SEPSECS: variants seen among roughly 807,000 people sequenced by gnomAD.
The protein encoded by SEPSECS is O-phosphoseryl-tRNA(Sec) selenium transferase.
Under a neutral mutation model 52.1 loss-of-function variants are expected in SEPSECS, and 42 were observed. The observed-to-expected ratio is 0.81, with a 90% CI of 0.63 to 1.04. The LOEUF (loss-of-function observed/expected upper bound fraction) is 1.04, where lower values mean the gene tolerates loss of function less well. SEPSECS is among the 50% of genes least tolerant of loss of function. SEPSECS has a pLI of 0.00. For synonymous variants in SEPSECS, 216 were observed against 211.4 expected, an observed-to-expected ratio of 1.02 and a Z score of -0.19; for missense variants, 590 against 610.6, an observed-to-expected ratio of 0.97 and a Z score of 0.36.
chr4:25,153,666 G>A (rs1489075163), intron 5 of SEPSECS, among the ~76,000 whole-genome samples: 1 of 151,830 alleles, frequency 6.6e-6, no homozygotes, highest in Non-Finnish European at 1.5e-5. Context: ...TAAAAGGAAT[G>A]AAGCCAATGT....
chr4:25,131,600 A>G (rs1374508138), intron 8 of SEPSECS, among the ~76,000 whole-genome samples: 1 of 152,202 alleles, frequency 6.6e-6, no homozygotes, highest in African/African-American at 2.4e-5. Context: ...CCCCATATGT[A>G]GGCTTGAAAT....
intron 8 of SEPSECS, among the ~76,000 whole-genome samples, chr4:25,140,818 A>T (rs748441013): frequency 3.3e-5 from 5 of 152,092 alleles, no homozygotes; most frequent in Non-Finnish European, 7.4e-5. Flanking sequence ...CAGTGCCATC[A>T]GCTATGCTAA....
At position 25,155,033 on chromosome 4, in the gene SEPSECS, A is replaced by G. The variant is rs746894717; in HGVS notation, c.666T>C (p.Ser222=). 107 of 1,614,084 alleles carry G rather than the reference A, an allele frequency of 6.6e-5. No individual in the cohort carries two copies. Among genetic ancestry groups the G allele is most frequent in the Non-Finnish European group, 8.8e-5 (104 of 1,180,026 alleles). Reference sequence around the variant, plus strand: ...CCCTTGGAGCAAAACAGGATGTAGTAGAATGAATACACAGAATGCAATCAG... The same window carrying G: ...CCCTTGGAGCAAAACAGGATGTAGTGGAATGAATACACAGAATGCAATCAG... The part of the protein sequence containing the change: ...LGPDCILCIH[S]TTSCFAPRVP... Residue 222 remains serine (S), a synonymous_variant, in exon 5 of 11, where the codon TCT becomes TCC. Transcript: ENST00000382103.
chr4:25,125,430 G>A (rs1034503305), intron 10 of SEPSECS: 6 of 438,526 alleles, frequency 1.4e-5, no homozygotes, highest in Non-Finnish European at 2.0e-5. Flanking sequence ...AAAAATCTAT[G>A]TAGAGAGGTA....
Position 25,159,041 on chromosome 4 carries a change from T to A in SEPSECS, c.181A>T (p.Met61Leu), listed in dbSNP as rs910702708. 2.5e-6 allele frequency: 4 copies of A among 1,613,400 alleles called. No individual in the cohort carries two copies. In the African/African-American group the frequency reaches 5.3e-5, roughly 22 times the overall value. The change falls in exon 2 of 11, where the codon ATG becomes TTG. Residue 61 changes from methionine (M) to leucine (L), a missense_variant. Physicochemically the swap from Met to Leu is conservative, Grantham distance 15 (BLOSUM62 2). Coordinates refer to ENST00000382103, the MANE Select transcript of SEPSECS (RefSeq NM_016955.4). Reference protein sequence around the residue: ...LELFLHELAIMDSNNFLGNCG... With the variant: ...LELFLHELAILDSNNFLGNCG... ...TTGCCTAAGAAATTGTTGCTGTCCA[T>A]GATTGCAAGTTCATGTAAAAAGAGT... is the stretch of plus-strand genomic sequence containing the variant.
At chr4:25,159,707 G>GGCTGCAGTGAGCCGAGATCGTCAC (rs1186505702) in intron 1 of SEPSECS, 24 of 678,950 alleles carry the variant, frequency 3.5e-5, no homozygotes, top group Non-Finnish European at 4.1e-5. Flanking sequence ...GGGAGGCGGA[G>GGCTGCAGTGAGCCGAGATCGTCAC]GCTGCAGTGA....
chr4:25,130,077 C>T (rs190720010), intron 8 of SEPSECS, among the ~76,000 whole-genome samples: 3 of 152,284 alleles, frequency 2.0e-5, no homozygotes, highest in East Asian at 1.9e-4. Context: ...TCCTACAAAC[C>T]GCCTAACAAC....
chr4:25,155,445 G>A (rs1029669535), intron 4 of SEPSECS, among the ~76,000 whole-genome samples: 1 of 152,160 alleles, frequency 6.6e-6, no homozygotes, highest in Non-Finnish European at 1.5e-5. Flanking sequence ...ATCTATAGAA[G>A]TAATAACATA....
At chr4:25,151,199 T>C (rs987518420) in intron 6 of SEPSECS, among the ~76,000 whole-genome samples, 1 of 152,206 alleles carries the variant, frequency 6.6e-6, no homozygotes, top group African/African-American at 2.4e-5. Flanking sequence ...TAACAATCAC[T>C]GACAGAGTTT....
At chr4:25,133,424 C>A (rs1180726136) in intron 8 of SEPSECS, among the ~76,000 whole-genome samples, 1 of 152,200 alleles carries the variant, frequency 6.6e-6, no homozygotes, top group Admixed American at 6.5e-5. Flanking sequence ...AACTGAGCTG[C>A]CTGCTGGATT....
At position 25,127,114 on chromosome 4, in the gene SEPSECS, C is replaced by T. The variant is rs114669148; in HGVS notation, c.1120+150G>A. 1.2e-3 allele frequency: 756 copies of T among 621,572 alleles called. 7 individuals are homozygous for T. In the African/African-American group the frequency reaches 0.013, roughly 11 times the overall value. 38.5% of individuals were successfully genotyped at this position (621,572 alleles called of 1,614,324 possible). A position where few individuals can be genotyped will look rare whatever the true frequency, so the allele number is the denominator to read the frequency against. Reference sequence around the variant, plus strand: ...ACATTAGAGCATTTCAAAAGCCTAACTAAACTTTTTCAATTTACAAATTAA... The same window carrying T: ...ACATTAGAGCATTTCAAAAGCCTAATTAAACTTTTTCAATTTACAAATTAA... On this transcript the variant is annotated intron_variant, in intron 9 of 10. Coordinates refer to ENST00000382103, the MANE Select transcript of SEPSECS (RefSeq NM_016955.4).
intron 3 of SEPSECS, among the ~76,000 whole-genome samples, 197 bp from the exon 4 acceptor site, chr4:25,156,392 G>C (rs932495790): frequency 1.0e-5 from 1 of 100,204 alleles, no homozygotes; most frequent in Non-Finnish European, 2.0e-5. Context: ...TTATTCTAAA[G>C]ACTTTTTATT....
chr4:25,130,410 A>G (rs546994407), intron 8 of SEPSECS, among the ~76,000 whole-genome samples: 34 of 152,246 alleles, frequency 2.2e-4, no homozygotes, highest in Non-Finnish European at 4.6e-4. Flanking sequence ...ATACTTTAAC[A>G]AATTAGTTTT....
At chr4:25,160,459 A>C, upstream of SEPSECS, 1 of 1,058,892 alleles carries the variant, frequency 9.4e-7, no homozygotes, top group East Asian at 2.6e-5. Context: ...CGCCGCCTGG[A>C]CGGTACGGCA....
In SEPSECS at chr4:25,159,977, A is replaced by C. The variant is rs901558303; in HGVS notation, c.114+279T>G. 1.3e-5 allele frequency: 13 copies of C among 985,128 alleles called. No individual in the cohort carries two copies. The African/African-American group carries it at 1.9e-4, about 15-fold the overall frequency. The allele number at this position is 985,128 out of a possible 1,614,324, so 61.0% of individuals were successfully genotyped here. ...TCCGCGAATAAAAAAGTACACTGGG[A>C]CTTTCCCTCACTTCCGCATCCCGAA... On this transcript the variant is annotated intron_variant, in intron 1 of 10. Transcript: ENST00000382103.
chr4:25,157,054 T>A (rs1214375086), intron 2 of SEPSECS, 80 bp from the exon 3 acceptor site: 6 of 840,394 alleles, frequency 7.1e-6, no homozygotes, highest in Non-Finnish European at 1.0e-5. Flanking sequence ...GCAAATGTAA[T>A]AACCAAAAAA....
chr4:25,150,381 T>C (rs961371912), intron 6 of SEPSECS, among the ~76,000 whole-genome samples: 1 of 152,210 alleles, frequency 6.6e-6, no homozygotes. Flanking sequence ...CAGTTATTAA[T>C]TGTCCATTAC....
intron 6 of SEPSECS, among the ~76,000 whole-genome samples, chr4:25,146,775 G>A (rs1018518526): frequency 1.3e-5 from 2 of 152,096 alleles, no homozygotes; most frequent in African/African-American, 4.8e-5. Flanking sequence ...ATCAGTATAT[G>A]CTCTAAAATC....
rs369662543 is a variant in SEPSECS, at chr4:25,157,608, G to A, written c.270-634C>T. On this transcript the variant is annotated intron_variant, in intron 2 of 10. Coordinates refer to ENST00000382103, the MANE Select transcript of SEPSECS (RefSeq NM_016955.4). ...CGCCCAGGCTGGAGTGCAGTGGCGC[G>A]ATCTCGGCTCATTGCAAGCTCCACC... Among the ~76,000 whole-genome samples the A allele has an allele frequency of 4.7e-5, 7 of 150,218 alleles. No individual in the cohort carries two copies. The South Asian group carries it at 8.4e-4, about 18-fold the overall frequency.
Sources: allele counts gnomAD v4.1 joint callset (sites outside exome capture counted in the v4.1 genomes callset), GRCh38; gene constraint gnomAD v4.1.1; transcripts MANE v1.5; gene names NCBI Gene and HGNC (gene_info 2026-07-23, HGNC 2026-07-21).